The following CDH13 variants were observed in gnomAD, a reference collection of about 807,000 sequenced individuals.
The protein encoded by CDH13 is cadherin 13.
In CDH13, 24 loss-of-function variants were observed where a neutral mutation model predicts 63.8. The observed-to-expected ratio is 0.38, with a 90% CI of 0.27 to 0.53. The LOEUF (loss-of-function observed/expected upper bound fraction) is 0.53, where lower values mean the gene tolerates loss of function less well. Among genes scored for constraint, CDH13 ranks in the 20% least tolerant of loss-of-function variants. CDH13 has a pLI of 0.85. For synonymous variants in CDH13, 503 were observed against 355.3 expected, an observed-to-expected ratio of 1.42 and a Z score of -4.67; for missense variants, 1,049 against 903.1, an observed-to-expected ratio of 1.16 and a Z score of -2.07.
intron 1 of CDH13, among the ~76,000 whole-genome samples, chr16:82,710,787 A>T (rs2031878745): frequency 6.7e-6 from 1 of 148,662 alleles, no homozygotes; most frequent in Non-Finnish European, 1.5e-5. Flanking sequence ...ATTTATATAC[A>T]AATATAACCT....
At chr16:83,704,648 C>A (rs577628058) in intron 10 of CDH13, among the ~76,000 whole-genome samples, 7 of 152,290 alleles carry the variant, frequency 4.6e-5, no homozygotes, top group African/African-American at 1.4e-4. Context: ...TCCTTCCTTG[C>A]CAATTACATG....
At chr16:82,853,713 T>G (rs1304659017) in intron 1 of CDH13, among the ~76,000 whole-genome samples, 1 of 152,230 alleles carries the variant, frequency 6.6e-6, no homozygotes. Flanking sequence ...AGAATTTGAT[T>G]ATTGCTGTGC....
At chr16:83,605,562 G>T (rs1222492059) in intron 8 of CDH13, among the ~76,000 whole-genome samples, 1 of 152,140 alleles carries the variant, frequency 6.6e-6, no homozygotes, top group East Asian at 1.9e-4. Context: ...CACCTCATTA[G>T]GTCATTGTGA....
chr16:83,220,750 A>G (rs2039675453), intron 5 of CDH13, among the ~76,000 whole-genome samples: 1 of 151,920 alleles, frequency 6.6e-6, no homozygotes, highest in South Asian at 2.1e-4. Flanking sequence ...TTTAAAGTTA[A>G]GTGCTGCTCA....
intron 6 of CDH13, among the ~76,000 whole-genome samples, chr16:83,418,569 G>C (rs959604542): frequency 1.3e-5 from 2 of 152,136 alleles, no homozygotes; most frequent in Non-Finnish European, 2.9e-5. Context: ...GGTTTGATCC[G>C]ATGTCTTGGA....
chr16:82,936,161 C>G (rs1350675719), intron 2 of CDH13, among the ~76,000 whole-genome samples: 2 of 152,154 alleles, frequency 1.3e-5, no homozygotes, highest in African/African-American at 4.8e-5. Flanking sequence ...ATGTCTAGTC[C>G]TTAGTTCCTG....
At position 83,678,432 on chromosome 16, in the gene CDH13, C is replaced by A. The variant is rs1243627142; in HGVS notation, c.1509C>A (p.Asp503Glu). ...TGCTGCTGACAGTGAATGCCACGGACCCCGACTCCCTGCAGCATCAAACCA... is the reference window on the plus strand; with the variant it reads ...TGCTGCTGACAGTGAATGCCACGGAACCCGACTCCCTGCAGCATCAAACCA... ...GSVLLTVNAT[D>E]PDSLQHQTIR... Residue 503 changes from aspartate to glutamate, a missense_variant, in exon 10 of 14, where the codon GAC becomes GAA. Coordinates refer to ENST00000567109, the MANE Select transcript of CDH13 (RefSeq NM_001257.5). The A allele has an allele frequency of 1.9e-5, 30 of 1,613,850 alleles. No homozygotes were observed. Among genetic ancestry groups the A allele is most frequent in the Non-Finnish European group, 2.5e-5 (29 of 1,179,886 alleles).
intron 3 of CDH13, among the ~76,000 whole-genome samples, chr16:83,064,193 AC>A (rs1464599136): frequency 2.0e-5 from 3 of 151,960 alleles, no homozygotes; most frequent in Non-Finnish European, 4.4e-5. Flanking sequence ...ACATGATGAA[AC>A]CCCATCTGTA....
intron 6 of CDH13, among the ~76,000 whole-genome samples, chr16:83,451,552 C>T (rs1402160087): frequency 1.3e-5 from 2 of 152,190 alleles, no homozygotes; most frequent in East Asian, 1.9e-4. Flanking sequence ...CAGGCTCTTC[C>T]GCTGTCATCC....
At chr16:83,160,674 A>C (rs1002228735) in intron 4 of CDH13, among the ~76,000 whole-genome samples, 1 of 152,170 alleles carries the variant, frequency 6.6e-6, no homozygotes, top group Non-Finnish European at 1.5e-5. Flanking sequence ...TCTGATCTGG[A>C]GGGAAAGAAA....
chr16:83,146,008 A>G (rs774130393), intron 4 of CDH13, among the ~76,000 whole-genome samples: 1 of 152,118 alleles, frequency 6.6e-6, no homozygotes, highest in Non-Finnish European at 1.5e-5. Context: ...AACCTGGCCA[A>G]CTTGGTGAAA....
chr16:83,325,785 C>T (rs778197098), intron 5 of CDH13, among the ~76,000 whole-genome samples: 2 of 152,052 alleles, frequency 1.3e-5, no homozygotes, highest in East Asian at 1.9e-4. Context: ...GAAAATTTTC[C>T]TTGACCTGCA....
At chr16:83,696,380 A>G (rs1464139566) in intron 10 of CDH13, among the ~76,000 whole-genome samples, 1 of 151,930 alleles carries the variant, frequency 6.6e-6, no homozygotes, top group Non-Finnish European at 1.5e-5. Flanking sequence ...CCATTCATTC[A>G]TGTTCTTTGT....
chr16:83,602,708 C>T, intron 8 of CDH13, 114 bp downstream of exon 8: 5 of 1,044,146 alleles, frequency 4.8e-6, no homozygotes, highest in Non-Finnish European at 7.4e-6. Flanking sequence ...TCAAAATACT[C>T]CTTTGTGGGA....
chr16:82,719,068 T>C (rs1358442939), intron 1 of CDH13, among the ~76,000 whole-genome samples: 2 of 152,188 alleles, frequency 1.3e-5, no homozygotes, highest in African/African-American at 2.4e-5. Context: ...CCCTGGGTGG[T>C]TATGAGCCTT....
intron 1 of CDH13, among the ~76,000 whole-genome samples, chr16:82,857,350 G>A (rs1567605726): frequency 6.6e-6 from 1 of 152,206 alleles, no homozygotes; most frequent in Non-Finnish European, 1.5e-5. Flanking sequence ...GCTTTCATTT[G>A]TTAAGTGTTA....
chr16:83,513,355 A>G (rs1567727054), intron 7 of CDH13, among the ~76,000 whole-genome samples: 1 of 152,190 alleles, frequency 6.6e-6, no homozygotes, highest in Non-Finnish European at 1.5e-5. Flanking sequence ...GAACGTCCTT[A>G]GATCCCTTAG....
intron 5 of CDH13, among the ~76,000 whole-genome samples, chr16:83,248,360 C>A (rs1039128050): frequency 2.0e-5 from 3 of 152,132 alleles, no homozygotes; most frequent in Non-Finnish European, 4.4e-5. Context: ...TTGTTGTTTG[C>A]TACTTTTCCT....
At chr16:82,658,485 CAA>C (rs754873806) in intron 1 of CDH13, among the ~76,000 whole-genome samples, 3 of 152,190 alleles carry the variant, frequency 2.0e-5, no homozygotes, top group Admixed American at 6.5e-5. Context: ...ATACCTGTCT[CAA>C]GAGAGAAAGT....
Sources: allele counts gnomAD v4.1 joint callset (sites outside exome capture counted in the v4.1 genomes callset), GRCh38; gene constraint gnomAD v4.1.1; transcripts MANE v1.5; gene names NCBI Gene and HGNC (gene_info 2026-07-23, HGNC 2026-07-21).